Variants in ESRRG observed in about 807,000 individuals in gnomAD.
ESRRG encodes estrogen related receptor gamma, also known as estrogen-related receptor gamma.
In ESRRG, 13 loss-of-function variants were observed where a neutral mutation model predicts 44.0. That is an observed-to-expected ratio of 0.30 (90% CI 0.19 to 0.47). ESRRG has a LOEUF of 0.47. ESRRG is among the 20% of genes least tolerant of loss of function. ESRRG has a pLI of 1.00. For missense variants in ESRRG, 395 were observed against 580.6 expected (o/e 0.68, Z 3.29); for synonymous variants, 215 against 214.6 (o/e 1.00, Z -0.02).
intron 5 of ESRRG, among the ~76,000 whole-genome samples, chr1:216,556,898 A>C (rs1424324758): frequency 2.0e-5 from 3 of 152,198 alleles, no homozygotes; most frequent in Non-Finnish European, 4.4e-5. Flanking sequence ...AAGGAAGGAA[A>C]GGAAGGCAAG....
intron 2 of ESRRG, among the ~76,000 whole-genome samples, chr1:216,660,274 C>T (rs941959240): frequency 6.6e-6 from 1 of 152,158 alleles, no homozygotes; most frequent in Admixed American, 6.5e-5. Context: ...GATATCCCAA[C>T]ATCCAGTTCA....
intron 2 of ESRRG, among the ~76,000 whole-genome samples, chr1:216,883,400 A>G (rs202116420): frequency 0.025 from 3,747 of 149,806 alleles, 342 homozygotes; most frequent in East Asian, 0.24. Flanking sequence ...AAAAAAAAAA[A>G]AAAAAAAAAA....
chr1:217,115,787 A>C (rs751048279), intron 1 of ESRRG, among the ~76,000 whole-genome samples: 1 of 152,102 alleles, frequency 6.6e-6, no homozygotes, highest in Non-Finnish European at 1.5e-5. Context: ...TATATGAAAC[A>C]GTTTCTTCTT....
chr1:216,655,797 C>A (rs933641107), intron 2 of ESRRG, among the ~76,000 whole-genome samples: 1 of 152,114 alleles, frequency 6.6e-6, no homozygotes, highest in Non-Finnish European at 1.5e-5. Flanking sequence ...AATTTCCAGG[C>A]CCTCCCATTG....
rs369780202 is a variant in ESRRG, at chr1:216,913,692, C to T, written c.-14+25890G>A. 1.1e-3 allele frequency among the ~76,000 whole-genome samples: 163 copies of T among 152,318 alleles called. 2 individuals carry two copies. The highest frequency in any genetic ancestry group is 3.5e-3 in the African/African-American group (146 of 41,570). On this transcript the variant is annotated intron_variant, in intron 2 of 7. Coordinates refer to the ESRRG transcript ENST00000359162. ...TCTAAGATGGGAATAAAAATAGCTT[C>T]CCTGTCTACCTCAGAAGGTGGTTAT...
Position 216,696,951 on chromosome 1 carries a change from A to C in ESRRG, c.57-19460T>G, listed in dbSNP as rs150462575. Among the ~76,000 whole-genome samples, 1,127 of 152,182 alleles carry C rather than the reference A, an allele frequency of 7.4e-3. 12 individuals carry two copies. Among genetic ancestry groups the C allele is most frequent in the African/African-American group, 0.026 (1,070 of 41,486 alleles). On this transcript the variant is annotated intron_variant, in intron 1 of 6. Coordinates refer to ENST00000408911, the MANE Select transcript of ESRRG (RefSeq NM_001438.4). ...TATGCAAAATTAAAGTACTACTACA[A>C]ATTTGTAGAATAAAATATCTTTTTT...
intron 1 of ESRRG, among the ~76,000 whole-genome samples, chr1:216,957,293 T>C (rs1307311179): frequency 6.6e-6 from 1 of 152,206 alleles, no homozygotes; most frequent in Non-Finnish European, 1.5e-5. Context: ...TTGAATACCA[T>C]ATATGTACTT....
At chr1:216,854,590 C>T (rs976439734) in intron 2 of ESRRG, among the ~76,000 whole-genome samples, 8 of 152,020 alleles carry the variant, frequency 5.3e-5, no homozygotes, top group African/African-American at 1.7e-4. Context: ...AGACTAAGAG[C>T]ACTCACCCTT....
chr1:217,088,280 G>A (rs1028235333), intron 1 of ESRRG, among the ~76,000 whole-genome samples: 2 of 151,802 alleles, frequency 1.3e-5, no homozygotes, highest in African/African-American at 2.4e-5. Context: ...CACAACATCC[G>A]CAGGTCTCTT....
At chr1:216,953,205 G>C (rs1055428384) in intron 1 of ESRRG, among the ~76,000 whole-genome samples, 7 of 152,010 alleles carry the variant, frequency 4.6e-5, no homozygotes, top group African/African-American at 1.7e-4. Flanking sequence ...CACACTAAAG[G>C]CATGGCAATG....
chr1:216,678,379 C>T (rs2076469348), intron 1 of ESRRG, among the ~76,000 whole-genome samples: 1 of 152,146 alleles, frequency 6.6e-6, no homozygotes, highest in Admixed American at 6.5e-5. Flanking sequence ...TGTATATTAT[C>T]TGATACTATA....
At chr1:216,963,511 G>A (rs556097622) in intron 1 of ESRRG, among the ~76,000 whole-genome samples, 1 of 152,258 alleles carries the variant, frequency 6.6e-6, no homozygotes, top group East Asian at 1.9e-4. Context: ...ACAGAGTCAA[G>A]CCACGTAATT....
chr1:216,736,732 A>G (rs367804117), intron 2 of ESRRG, among the ~76,000 whole-genome samples: 2 of 152,120 alleles, frequency 1.3e-5, no homozygotes, highest in African/African-American at 4.8e-5. Flanking sequence ...ATCTCCATCA[A>G]GTAGAAGCTG....
At chr1:216,776,901 T>C (rs1365729151) in intron 2 of ESRRG, among the ~76,000 whole-genome samples, 2 of 152,110 alleles carry the variant, frequency 1.3e-5, no homozygotes, top group African/African-American at 4.8e-5. Flanking sequence ...TTCACAACCA[T>C]TGGGTATAGC....
chr1:216,799,636 T>C (rs553228668), intron 2 of ESRRG, among the ~76,000 whole-genome samples: 1 of 152,292 alleles, frequency 6.6e-6, no homozygotes, highest in East Asian at 1.9e-4. Flanking sequence ...AAATGAGGAA[T>C]ATGCAATGAC....
intron 2 of ESRRG, among the ~76,000 whole-genome samples, chr1:216,860,770 C>A (rs1323169621): frequency 1.3e-5 from 2 of 152,008 alleles, no homozygotes; most frequent in South Asian, 4.2e-4. Context: ...AAAATGATAC[C>A]AGATGGATAT....
intron 2 of ESRRG, among the ~76,000 whole-genome samples, chr1:216,824,064 T>C (rs1349717108): frequency 6.6e-6 from 1 of 152,202 alleles, no homozygotes; most frequent in East Asian, 1.9e-4. Context: ...CCAGAAAATC[T>C]GTAAAATGAC....
chr1:216,717,837 T>C (rs2085244270), intron 1 of ESRRG, among the ~76,000 whole-genome samples: 1 of 151,818 alleles, frequency 6.6e-6, no homozygotes, highest in African/African-American at 2.4e-5. Flanking sequence ...TAAAGGAAAT[T>C]CATATTTTGC....
intron 3 of ESRRG, among the ~76,000 whole-genome samples, chr1:216,572,054 A>C (rs942715994): frequency 6.6e-6 from 1 of 152,202 alleles, no homozygotes; most frequent in East Asian, 1.9e-4. Flanking sequence ...CAATTCAAGT[A>C]GAAAATATTT....
Sources: gnomAD v4.1 joint callset for allele counts (sites outside exome capture counted in the v4.1 genomes callset) on GRCh38, gnomAD v4.1.1 for gene constraint, MANE v1.5 for transcripts, NCBI Gene and HGNC (gene_info 2026-07-23, HGNC 2026-07-21) for gene names.